SNX1: variants seen among roughly 807,000 people sequenced by gnomAD.
SNX1 encodes sorting nexin-1.
Under a neutral mutation model 71.8 loss-of-function variants are expected in SNX1, and 36 were observed. The observed-to-expected ratio is 0.50, with a 90% CI of 0.38 to 0.66. The LOEUF is 0.66. SNX1 is among the 30% of genes least tolerant of loss of function. The pLI, the probability that SNX1 is intolerant of heterozygous loss-of-function variation, is 0.00. For synonymous variants in SNX1, 254 were observed against 240.7 expected (o/e 1.06, Z -0.51); for missense variants, 612 against 646.7 (o/e 0.95, Z 0.58).
chr15:64,113,244 G>T (rs1036870749), intron 2 of SNX1, among the ~76,000 whole-genome samples: 1 of 152,166 alleles, frequency 6.6e-6, no homozygotes, highest in Non-Finnish European at 1.5e-5. Flanking sequence ...ACTAGTATAG[G>T]ACAGTTTCTC....
Position 64,129,778 on chromosome 15 carries a change from G to T in SNX1, c.808-138G>T. ...GGACATGTTAGTTGTGGATTCCTCA[G>T]ACTGCCTTTGAAAACAATTTACAGT... On this transcript the variant is annotated intron_variant, in intron 8 of 14. Transcript: ENST00000559844. The surrounding 1 kb of genome is among the most constrained non-coding windows in gnomAD (Gnocchi z 4.4). 1 of 642,420 alleles carries T rather than the reference G, an allele frequency of 1.6e-6. No individual in the cohort carries two copies. The highest frequency in any genetic ancestry group is 2.4e-5 in the Admixed American group (1 of 41,510). The allele number at this position is 642,420 out of a possible 1,614,324, so 39.8% of individuals were successfully genotyped here.
rs1036764718 is a variant in SNX1 at position 64,115,448 on chromosome 15, T to C, written c.272-2669T>C. ...GATGATCAGAGTCTCTCATGGAGCC[T>C]GAATGCTTTTCCAGTACTCTTAACA... On this transcript the variant is annotated intron_variant, in intron 2 of 14. Transcript: ENST00000559844. 2.0e-5 allele frequency: 6 copies of C among 299,946 alleles called. 1 individual carries two copies. Among genetic ancestry groups the C allele is most frequent in the South Asian group, 1.5e-4 (6 of 39,536 alleles). 18.6% of individuals were successfully genotyped at this position (299,946 alleles called of 1,614,324 possible). A position where few individuals can be genotyped will look rare whatever the true frequency, so the allele number is the denominator to read the frequency against.
At chr15:64,102,079 G>A (rs192761140) in intron 1 of SNX1, among the ~76,000 whole-genome samples, 40 of 152,142 alleles carry the variant, frequency 2.6e-4, no homozygotes, top group African/African-American at 8.9e-4. Flanking sequence ...AAGATTTTTT[G>A]TAGATACCAA....
Position 64,129,856 on chromosome 15 carries a change from T to C in SNX1, c.808-60T>C, listed in dbSNP as rs2081288756. On this transcript the variant is annotated intron_variant, in intron 8 of 14. Coordinates refer to ENST00000559844, the MANE Select transcript of SNX1 (RefSeq NM_003099.5). This position sits in a 1 kb window ranked among gnomAD's most constrained non-coding sequence, Gnocchi z 4.4. ...CATGCCATCTGATGGATACTAATTC[T>C]TCTGAACCTAAAATAGGGGCAGCAG... 2 of 1,243,366 alleles carry C rather than the reference T, an allele frequency of 1.6e-6. No individual in the cohort carries two copies. The highest frequency in any genetic ancestry group is 4.6e-5 in the East Asian group (2 of 43,032). The allele number at this position is 1,243,366 out of a possible 1,614,324, so 77.0% of individuals were successfully genotyped here.
chr15:64,121,837 C>T (rs186175252), intron 4 of SNX1, among the ~76,000 whole-genome samples: 15 of 152,276 alleles, frequency 9.9e-5, no homozygotes, highest in African/African-American at 2.4e-4. Flanking sequence ...TTTATAACAA[C>T]GCATTCTGTT....
At chr15:64,110,377 A>G (rs2081066700) in intron 1 of SNX1, among the ~76,000 whole-genome samples, 1 of 152,088 alleles carries the variant, frequency 6.6e-6, no homozygotes. Context: ...AGGGAACATA[A>G]GTCTGTTTTA....
At chr15:64,127,045 T>A (rs2081261302) in intron 6 of SNX1, 129 bp from the exon 7 acceptor site, 1 of 683,522 alleles carries the variant, frequency 1.5e-6, no homozygotes, top group Non-Finnish European at 2.5e-6. Flanking sequence ...TCCCTGCATA[T>A]AACATAGAAG....
chr15:64,123,816 C>T (rs767347004), intron 5 of SNX1, among the ~76,000 whole-genome samples: 2 of 152,214 alleles, frequency 1.3e-5, no homozygotes, highest in Non-Finnish European at 2.9e-5. Context: ...CTTAGAGAAC[C>T]ATGTGGTTTG....
rs931654476 is a variant in SNX1, at chr15:64,105,611, A to G, written c.160-6962A>G. Among the ~76,000 whole-genome samples the G allele has an allele frequency of 7.2e-5, 11 of 152,160 alleles. No homozygotes were observed. The East Asian group carries it at 1.5e-3, about 21-fold the overall frequency. Reference sequence around the variant, plus strand: ...GATTTGAACTGGGTTTGCTTTTTCAATTTAGAAGGTAATCCACCCATTAAT... The same window carrying G: ...GATTTGAACTGGGTTTGCTTTTTCAGTTTAGAAGGTAATCCACCCATTAAT... On this transcript the variant is annotated intron_variant, in intron 1 of 14. Coordinates refer to ENST00000559844, the MANE Select transcript of SNX1 (RefSeq NM_003099.5).
chr15:64,117,748 T>C (rs1226111009), intron 2 of SNX1, among the ~76,000 whole-genome samples: 1 of 152,080 alleles, frequency 6.6e-6, no homozygotes, highest in Non-Finnish European at 1.5e-5. Context: ...GCCCAGATCG[T>C]GCCACTGCAC....
intron 1 of SNX1, among the ~76,000 whole-genome samples, chr15:64,100,599 C>A (rs2080949101): frequency 4.6e-5 from 2 of 43,724 alleles, no homozygotes; most frequent in South Asian, 1.2e-3. Flanking sequence ...AGCAAAACTC[C>A]ATCTCAAAAA....
intron 1 of SNX1, 138 bp downstream of exon 1, chr15:64,096,310 C>A: frequency 9.6e-7 from 1 of 1,040,302 alleles, no homozygotes; most frequent in Non-Finnish European, 1.4e-6. Context: ...CCCCGGGGAC[C>A]CTGGATGTGC....
At chr15:64,105,545 C>T (rs1210743470) in intron 1 of SNX1, among the ~76,000 whole-genome samples, 1 of 152,190 alleles carries the variant, frequency 6.6e-6, no homozygotes, top group African/African-American at 2.4e-5. Flanking sequence ...TCTTTTGCTT[C>T]GTCACGTGGA....
chr15:64,132,299 C>A, intron 11 of SNX1: 1 of 218,488 alleles, frequency 4.6e-6, no homozygotes, highest in Non-Finnish European at 9.3e-6. Flanking sequence ...GTGGCTTTGC[C>A]CTGGTTAAGA....
Position 64,096,007 on chromosome 15 carries a change from G to A in SNX1, c.-7G>A. On this transcript the variant is annotated 5_prime_UTR_variant, in exon 1 of 15. Coordinates refer to ENST00000559844, the MANE Select transcript of SNX1 (RefSeq NM_003099.5). ...GTTGTTGCGGCTTCCGCCGCGGGTG[G>A]AAGAAGATGGCGTCGGGTGGTGGTG... is the stretch of plus-strand genomic sequence containing the variant. 6.3e-7 allele frequency: 1 copy of A among 1,595,668 alleles called. No individual in the cohort carries two copies. The highest frequency in any genetic ancestry group is 1.1e-5 in the South Asian group (1 of 88,780).
intron 4 of SNX1, among the ~76,000 whole-genome samples, chr15:64,119,198 C>T (rs544946254): frequency 6.6e-6 from 1 of 152,258 alleles, no homozygotes; most frequent in African/African-American, 2.4e-5. Context: ...AGCTCACTAT[C>T]ATCTCCAGCT....
intron 2 of SNX1, among the ~76,000 whole-genome samples, chr15:64,113,587 A>G (rs953310798): frequency 6.6e-6 from 1 of 152,186 alleles, no homozygotes; most frequent in African/African-American, 2.4e-5. Context: ...TGAGTGGCCA[A>G]GGTGGGTGGA....
At chr15:64,135,445 A>G (rs1487040049) in intron 12 of SNX1, among the ~76,000 whole-genome samples, 1 of 146,634 alleles carries the variant, frequency 6.8e-6, no homozygotes, top group Admixed American at 6.8e-5. Context: ...GTAAAACCCC[A>G]TCTCTACTAA....
Position 64,127,198 on chromosome 15 carries a change from A to T in SNX1, c.677A>T (p.Lys226Met), listed in dbSNP as rs1461982396. The part of the protein sequence containing the change: ...LIGMTKVKVG[K>M]EDSSSAEFLE... ...GGGATGACAAAAGTGAAAGTTGGGA[A>T]GGAAGATTCTTCTTCTGCAGAATTT... The change falls in exon 7 of 15, where the codon AAG (lysine) becomes ATG (methionine). Residue 226 changes from lysine to methionine, a missense_variant. Around this residue, in one of 2 missense-constraint regions of SNX1, gnomAD observed 316 missense variants for 284.9 expected, o/e 1.11. Coordinates refer to ENST00000559844, the MANE Select transcript of SNX1 (RefSeq NM_003099.5). 4 of 1,613,622 alleles carry T rather than the reference A, an allele frequency of 2.5e-6. No individual in the cohort carries two copies. The Admixed American group carries it at 6.7e-5, about 27-fold the overall frequency.
Sources: allele counts gnomAD v4.1 joint callset (sites outside exome capture counted in the v4.1 genomes callset), GRCh38; gene constraint gnomAD v4.1.1; regional missense constraint gnomAD v4.1.1; non-coding constraint Gnocchi (gnomAD v3.1); transcripts MANE v1.5; gene names NCBI Gene and HGNC (gene_info 2026-07-23, HGNC 2026-07-21).